Variants in DPP4 observed in about 807,000 individuals in gnomAD.
The protein encoded by DPP4 is dipeptidyl peptidase 4.
A neutral mutation model predicts 122.4 loss-of-function variants in DPP4; 93 were observed. That is an observed-to-expected ratio of 0.76 (90% confidence interval 0.64 to 0.90). The LOEUF is 0.90. Among genes scored for constraint, DPP4 ranks in the 40% least tolerant of loss-of-function variants. The probability of loss-of-function intolerance (pLI) is 0.00; values close to 1 mark genes in which losing one functional copy is unlikely to be tolerated. For missense variants in DPP4, 914 were observed against 907.3 expected (o/e 1.01, Z -0.09); for synonymous variants, 321 against 302.9 (o/e 1.06, Z -0.62).
intron 4 of DPP4, chr2:162,046,601 A>G (rs1163503843): frequency 4.4e-6 from 2 of 455,324 alleles, no homozygotes. Context: ...CAAGCCAGAG[A>G]GGAGGGCAGT....
chr2:162,062,789 C>A (rs1457753894), intron 2 of DPP4, among the ~76,000 whole-genome samples: 1 of 152,156 alleles, frequency 6.6e-6, no homozygotes, highest in African/African-American at 2.4e-5. Flanking sequence ...CAGTCAGGCC[C>A]AAGCAGGTAA....
chr2:161,999,722 G>A, intron 23 of DPP4, among the ~76,000 whole-genome samples: 1 of 152,174 alleles, frequency 6.6e-6, no homozygotes, highest in East Asian at 1.9e-4. Context: ...GATAAGAGGA[G>A]GAGAGTACTA....
chr2:162,003,285 C>T (rs948653116), intron 23 of DPP4, among the ~76,000 whole-genome samples: 1 of 151,898 alleles, frequency 6.6e-6, no homozygotes, highest in East Asian at 1.9e-4. Context: ...AAATGGCCAC[C>T]GCAGTCAGGG....
intron 2 of DPP4, among the ~76,000 whole-genome samples, chr2:162,064,756 G>T (rs1684894577): frequency 6.6e-6 from 1 of 152,036 alleles, no homozygotes; most frequent in African/African-American, 2.4e-5. Flanking sequence ...GATCACTTTG[G>T]ATGCCAAAAG....
intron 21 of DPP4, 60 bp downstream of exon 21, chr2:162,009,181 A>G (rs1287918412): frequency 1.9e-6 from 3 of 1,541,418 alleles, no homozygotes; most frequent in Non-Finnish European, 2.7e-6. Flanking sequence ...AAGATAAAGT[A>G]ACCTGCTCTG....
chr2:162,019,124 G>T, intron 15 of DPP4, 99 bp downstream of exon 15: 1 of 1,119,536 alleles, frequency 8.9e-7, no homozygotes, highest in Non-Finnish European at 1.3e-6. Flanking sequence ...AGCAATACCA[G>T]TTTAATATTA....
intron 8 of DPP4, among the ~76,000 whole-genome samples, chr2:162,035,950 G>C (rs1355076649): frequency 6.6e-6 from 1 of 152,162 alleles, no homozygotes; most frequent in Non-Finnish European, 1.5e-5. Context: ...ATGCTGATGG[G>C]TAAGAGAAGA....
At chr2:162,047,739 T>C (rs1014487747) in intron 2 of DPP4, among the ~76,000 whole-genome samples, 2 of 152,170 alleles carry the variant, frequency 1.3e-5, no homozygotes, top group Non-Finnish European at 2.9e-5. Flanking sequence ...GCTATATTAG[T>C]GGGCTTTACT....
In DPP4 at chr2:162,039,146, A is replaced by G. The variant is rs748985186; in HGVS notation, c.405T>C (p.Tyr135=). 3 of 1,613,048 alleles carry G rather than the reference A, an allele frequency of 1.9e-6. No individual in the cohort carries two copies. In the East Asian group the frequency reaches 6.7e-5, roughly 36 times the overall value. Residue 135 remains tyrosine (Y), a synonymous_variant, in exon 6 of 26, where the codon TAT becomes TAC. Transcript: ENST00000360534. ...RHSYTASYDI[Y]DLNKRQLITE... ...AAGTCACTGACCTTTTATTTAAATCATAAATGTCATATGAAGCTGTGTAGG... is the reference window on the plus strand; with the variant it reads ...AAGTCACTGACCTTTTATTTAAATCGTAAATGTCATATGAAGCTGTGTAGG...
rs537339858 is a variant in DPP4 at position 162,033,899 on chromosome 2, C to T, written c.775-246G>A. Among the ~76,000 whole-genome samples, 490 of 84,872 alleles carry T rather than the reference C, an allele frequency of 5.8e-3. 2 individuals are homozygous for T. The highest frequency in any genetic ancestry group is 8.8e-3 in the Non-Finnish European group (381 of 43,300). The allele number at this position is 84,872 out of a possible 152,430, so 55.7% of individuals were successfully genotyped here. A position where few individuals can be genotyped will look rare whatever the true frequency, so the allele number is the denominator to read the frequency against. On this transcript the variant is annotated intron_variant, in intron 9 of 25. Coordinates refer to ENST00000360534, the MANE Select transcript of DPP4 (RefSeq NM_001935.4). ...ATATATATATATATATATATACACA[C>T]TATATAAAACTTGAAGGTCCAAAGC... is the stretch of plus-strand genomic sequence containing the variant.
At chr2:162,042,905 G>A (rs180766126) in intron 5 of DPP4, among the ~76,000 whole-genome samples, 1 of 152,314 alleles carries the variant, frequency 6.6e-6, no homozygotes, top group East Asian at 1.9e-4. Context: ...GATTTGTGGG[G>A]TGTGGGTGGA....
intron 22 of DPP4, among the ~76,000 whole-genome samples, chr2:162,007,123 A>G (rs968506996): frequency 2.6e-5 from 4 of 152,102 alleles, no homozygotes; most frequent in Non-Finnish European, 4.4e-5. Flanking sequence ...GCATAATTTT[A>G]TATATTTAAA....
At chr2:161,994,923 C>T (rs1311414760) in intron 25 of DPP4, 38 bp downstream of exon 25, 1 of 1,585,856 alleles carries the variant, frequency 6.3e-7, no homozygotes, top group Non-Finnish European at 8.7e-7. Context: ...TAGACCCCAC[C>T]AGCAACTTCC....
At chr2:162,017,796 A>G (rs937263629) in intron 16 of DPP4, among the ~76,000 whole-genome samples, 2 of 152,192 alleles carry the variant, frequency 1.3e-5, no homozygotes, top group African/African-American at 4.8e-5. Context: ...ATGTGTTTGG[A>G]TGATAATATT....
chr2:162,009,438 A>G (rs1408870798), intron 20 of DPP4, 143 bp from the exon 21 acceptor site: 1 of 665,346 alleles, frequency 1.5e-6, no homozygotes, highest in African/African-American at 1.8e-5. Flanking sequence ...TCAAATAAAC[A>G]CCTGAGATAA....
chr2:162,065,137 G>A (rs1204913482), intron 2 of DPP4, among the ~76,000 whole-genome samples: 3 of 152,180 alleles, frequency 2.0e-5, no homozygotes, highest in African/African-American at 7.2e-5. Context: ...TTCAATCACG[G>A]CAATTCATTC....
rs1682718407 is a variant in DPP4 at position 162,011,912 on chromosome 2, T to G, written c.1713A>C (p.Glu571Asp). 1 of 1,613,848 alleles carries G rather than the reference T, an allele frequency of 6.2e-7. No homozygotes were observed. The highest frequency in any genetic ancestry group is 8.5e-7 in the Non-Finnish European group (1 of 1,179,766). The change falls in exon 20 of 26, where the codon GAA becomes GAC. Residue 571 changes from glutamate to aspartate, a missense_variant. Transcript: ENST00000360534. ...LNWATYLAST[E>D]NIIVASFDGR... Reference sequence around the variant, plus strand: ...CATCAAAGCTAGCTACTATAATGTTTTCTGTGCTTGCAAGGTAAGTGGCCC... The same window carrying G: ...CATCAAAGCTAGCTACTATAATGTTGTCTGTGCTTGCAAGGTAAGTGGCCC...
At position 162,022,744 on chromosome 2, in the gene DPP4, A is replaced by G; in HGVS notation, c.1068+11T>C. On this transcript the variant is annotated intron_variant, in intron 12 of 25. Transcript: ENST00000360534. The stretch of plus-strand genomic sequence containing the variant: ...ACTCATCCATAAAACCCCACAACTT[A>G]TAACACTTACTCTTCCAACCCAGCC... 6.2e-7 allele frequency: 1 copy of G among 1,614,036 alleles called. No individual in the cohort carries two copies. Among genetic ancestry groups the G allele is most frequent in the Non-Finnish European group, 8.5e-7 (1 of 1,179,950 alleles).
intron 1 of DPP4, 143 bp downstream of exon 1, chr2:162,073,833 C>T: frequency 8.8e-7 from 1 of 1,134,514 alleles, no homozygotes; most frequent in Non-Finnish European, 1.2e-6. Flanking sequence ...CTGGGACGTC[C>T]CTTCACCTGT....
Sources: allele counts gnomAD v4.1 joint callset (sites outside exome capture counted in the v4.1 genomes callset), GRCh38; gene constraint gnomAD v4.1.1; transcripts MANE v1.5; gene names NCBI Gene and HGNC (gene_info 2026-07-23, HGNC 2026-07-21).